The following MACROD2 variants were observed in gnomAD, a reference collection of about 807,000 sequenced individuals.
MACROD2 encodes the protein ADP-ribose glycohydrolase MACROD2.
In MACROD2, 36 loss-of-function variants were observed where a neutral mutation model predicts 70.4. That is an observed-to-expected ratio of 0.51 (90% confidence interval 0.39 to 0.68). The LOEUF (loss-of-function observed/expected upper bound fraction) is 0.68, where lower values mean the gene tolerates loss of function less well. MACROD2 is among the 30% of genes least tolerant of loss of function. The probability of loss-of-function intolerance (pLI) is 0.00; values close to 1 mark genes in which losing one functional copy is unlikely to be tolerated. For synonymous variants in MACROD2, 172 were observed against 178.8 expected (o/e 0.96, Z 0.30); for missense variants, 496 against 538.4 (o/e 0.92, Z 0.78).
intron 6 of MACROD2, among the ~76,000 whole-genome samples, chr20:15,400,702 A>T (rs371041665): frequency 6.6e-6 from 1 of 152,162 alleles, no homozygotes; most frequent in African/African-American, 2.4e-5. Flanking sequence ...ATGCCATCAT[A>T]TAGGCTACCT....
chr20:14,771,997 A>C (rs982709745), intron 5 of MACROD2, among the ~76,000 whole-genome samples: 3 of 152,068 alleles, frequency 2.0e-5, no homozygotes, highest in African/African-American at 7.2e-5. Context: ...GTGTAATGTC[A>C]AAGTTCAAAA....
chr20:14,119,584 A>G (rs778222034), intron 3 of MACROD2, among the ~76,000 whole-genome samples: 1 of 152,204 alleles, frequency 6.6e-6, no homozygotes, highest in African/African-American at 2.4e-5. Context: ...AATTGTTACT[A>G]TTATGGATAC....
intron 8 of MACROD2, among the ~76,000 whole-genome samples, chr20:15,603,762 TGAGA>T (rs1237464696): frequency 1.3e-5 from 2 of 152,130 alleles, no homozygotes; most frequent in African/African-American, 2.4e-5. Flanking sequence ...GCCTGTCAAC[TGAGA>T]GAGTCACTGA....
intron 5 of MACROD2, among the ~76,000 whole-genome samples, chr20:15,211,053 T>A (rs1003153902): frequency 3.9e-5 from 6 of 152,200 alleles, no homozygotes; most frequent in Admixed American, 3.9e-4. Context: ...TCCAGAATAT[T>A]TTTGTTGCCT....
intron 5 of MACROD2, among the ~76,000 whole-genome samples, chr20:14,862,029 T>TTATG (rs1568838760): frequency 5.3e-4 from 9 of 16,972 alleles, no homozygotes; most frequent in South Asian, 4.2e-3. Context: ...TTATATATAT[T>TTATG]TATATATATT....
intron 6 of MACROD2, among the ~76,000 whole-genome samples, chr20:15,373,494 T>C (rs916766994): frequency 6.6e-6 from 1 of 152,210 alleles, no homozygotes; most frequent in Admixed American, 6.5e-5. Context: ...ATCCTGGAAC[T>C]CCTGGGCTCC....
chr20:15,239,602 G>T (rs993490363), intron 6 of MACROD2, among the ~76,000 whole-genome samples: 1 of 152,246 alleles, frequency 6.6e-6, no homozygotes, highest in African/African-American at 2.4e-5. Flanking sequence ...AGTAACTTTA[G>T]TGCAGTCTCT....
intron 5 of MACROD2, among the ~76,000 whole-genome samples, chr20:14,880,881 C>G (rs1299664332): frequency 6.6e-6 from 1 of 152,166 alleles, no homozygotes; most frequent in African/African-American, 2.4e-5. Context: ...AGAGTGGCCT[C>G]TTGTTGCTGG....
At chr20:15,096,076 T>C (rs1396697391) in intron 5 of MACROD2, among the ~76,000 whole-genome samples, 3 of 152,140 alleles carry the variant, frequency 2.0e-5, no homozygotes, top group Non-Finnish European at 4.4e-5. Flanking sequence ...TTGGACTTTA[T>C]GCAGGTGTGC....
chr20:14,392,694 T>C (rs1600193382), intron 3 of MACROD2, among the ~76,000 whole-genome samples: 1 of 152,320 alleles, frequency 6.6e-6, no homozygotes, highest in East Asian at 1.9e-4. Context: ...ATAATGTATA[T>C]GCCTGTTTGG....
intron 6 of MACROD2, among the ~76,000 whole-genome samples, chr20:15,291,078 C>A (rs2077537223): frequency 1.3e-5 from 2 of 152,162 alleles, no homozygotes; most frequent in Admixed American, 1.3e-4. Context: ...TCCAGGCAGC[C>A]AAATTAATAA....
intron 8 of MACROD2, among the ~76,000 whole-genome samples, chr20:15,500,253 G>C (rs754216673): frequency 6.6e-6 from 1 of 152,124 alleles, no homozygotes. Context: ...GTGTTCTTTG[G>C]ATTTATAACT....
intron 5 of MACROD2, among the ~76,000 whole-genome samples, chr20:14,689,192 G>C (rs368349381): frequency 6.6e-6 from 1 of 152,096 alleles, no homozygotes; most frequent in Non-Finnish European, 1.5e-5. Flanking sequence ...TCAAACTCTT[G>C]TTCAAATGTA....
intron 5 of MACROD2, among the ~76,000 whole-genome samples, chr20:14,721,674 G>A (rs556764083): frequency 6.6e-6 from 1 of 152,206 alleles, no homozygotes; most frequent in African/African-American, 2.4e-5. Context: ...CTTCTGTATT[G>A]AAAAGGCTTT....
intron 6 of MACROD2, among the ~76,000 whole-genome samples, chr20:15,284,032 A>G (rs901821870): frequency 7.2e-5 from 11 of 152,236 alleles, no homozygotes; most frequent in African/African-American, 2.4e-4. Context: ...AATATAGAAT[A>G]GTTTAAAAAT....
intron 8 of MACROD2, among the ~76,000 whole-genome samples, chr20:15,821,363 T>C (rs1050544795): frequency 6.6e-6 from 1 of 151,910 alleles, no homozygotes; most frequent in African/African-American, 2.4e-5. Context: ...AATTTGTATT[T>C]CTATTTAATA....
intron 5 of MACROD2, among the ~76,000 whole-genome samples, chr20:14,862,704 T>A (rs1353661035): frequency 1.9e-4 from 17 of 89,298 alleles, no homozygotes; most frequent in Admixed American, 5.8e-4. Flanking sequence ...TATATAAATA[T>A]ATATATATAT....
chr20:15,832,763 T>C (rs2064070814), intron 8 of MACROD2, among the ~76,000 whole-genome samples: 1 of 152,140 alleles, frequency 6.6e-6, no homozygotes, highest in Non-Finnish European at 1.5e-5. Flanking sequence ...CTCAGTCAAA[T>C]CTCTGAGAGT....
chr20:14,464,547 C>T (rs1600265361), intron 3 of MACROD2, among the ~76,000 whole-genome samples: 4 of 151,926 alleles, frequency 2.6e-5, no homozygotes, highest in Admixed American at 6.6e-5. Flanking sequence ...AGTTCTGCTC[C>T]GATCTTAGTT....
Sources: allele counts gnomAD v4.1 joint callset (sites outside exome capture counted in the v4.1 genomes callset), GRCh38; gene constraint gnomAD v4.1.1; transcripts MANE v1.5; gene names NCBI Gene and HGNC (gene_info 2026-07-23, HGNC 2026-07-21).